Variants in ZBTB25 observed in about 807,000 individuals in gnomAD.
The protein encoded by ZBTB25 is zinc finger and BTB domain-containing protein 25.
In ZBTB25, 20 loss-of-function variants were observed where a neutral mutation model predicts 34.2. The ratio of observed to expected loss-of-function variants is 0.58; its 90% CI spans 0.41 to 0.85. The LOEUF (loss-of-function observed/expected upper bound fraction) is 0.85, where lower values mean the gene tolerates loss of function less well. Among genes scored for constraint, ZBTB25 ranks in the 40% least tolerant of loss-of-function variants. ZBTB25 has a pLI of 0.00. For synonymous variants in ZBTB25, 175 were observed against 186.4 expected, an observed-to-expected ratio of 0.94 and a Z score of 0.50; for missense variants, 437 against 521.8, an observed-to-expected ratio of 0.84 and a Z score of 1.58.
At chr14:64,494,530 G>A (rs2079200497) in intron 1 of ZBTB25, among the ~76,000 whole-genome samples, 1 of 152,206 alleles carries the variant, frequency 6.6e-6, no homozygotes, top group South Asian at 2.1e-4. Flanking sequence ...CTACTTGGGA[G>A]GTTGAGGCAG....
Position 64,486,524 on chromosome 14 carries a change from A to G in ZBTB25, c.*399T>C. On this transcript the variant is annotated 3_prime_UTR_variant, in exon 3 of 3. Coordinates refer to ENST00000608382, the MANE Select transcript of ZBTB25 (RefSeq NM_006977.5). ...TTTAAAAATAATCCTGGTAGGAGTG[A>G]ATTCATGTGAAATGTAGGCAGAAGT... The G allele has an allele frequency of 3.1e-6, 3 of 959,994 alleles. No individual in the cohort carries two copies. Among genetic ancestry groups the G allele is most frequent in the Non-Finnish European group, 3.7e-6 (3 of 805,508 alleles). The allele number at this position is 959,994 out of a possible 1,614,324, so 59.5% of individuals were successfully genotyped here. A position where few individuals can be genotyped will look rare whatever the true frequency, so the allele number is the denominator to read the frequency against.
intron 1 of ZBTB25, among the ~76,000 whole-genome samples, chr14:64,497,842 G>A (rs113460487): frequency 1.2e-4 from 18 of 152,294 alleles, no homozygotes; most frequent in African/African-American, 3.8e-4. Context: ...CTCTCAGGCT[G>A]TAAGAATCCT....
intron 1 of ZBTB25, among the ~76,000 whole-genome samples, chr14:64,495,601 C>T (rs2079243214): frequency 6.6e-6 from 1 of 151,966 alleles, no homozygotes; most frequent in South Asian, 2.1e-4. Context: ...TGCTGTTCTC[C>T]TCTTCCAGTT....
intron 1 of ZBTB25, among the ~76,000 whole-genome samples, chr14:64,494,224 G>A (rs1446595541): frequency 6.6e-6 from 1 of 152,206 alleles, no homozygotes; most frequent in African/African-American, 2.4e-5. Flanking sequence ...AGAAACATGG[G>A]GGTGAGGCCC....
intron 1 of ZBTB25, among the ~76,000 whole-genome samples, chr14:64,498,116 T>A (rs900165219): frequency 1.3e-5 from 2 of 152,210 alleles, no homozygotes; most frequent in Admixed American, 1.3e-4. Context: ...AACTTTCACA[T>A]GACTGTAGAG....
At chr14:64,456,442 A>G (rs1044551074) in intron 2 of ZBTB25, among the ~76,000 whole-genome samples, 2 of 152,190 alleles carry the variant, frequency 1.3e-5, no homozygotes, top group African/African-American at 4.8e-5. Context: ...GCGTACACAT[A>G]ATATTGTCTT....
At chr14:64,469,440 A>G in intron 2 of ZBTB25, 1 of 1,613,008 alleles carries the variant, frequency 6.2e-7, no homozygotes. Context: ...GAAATCAGTG[A>G]ATTTGATGTT....
chr14:64,504,596 C>T, upstream of ZBTB25: 1 of 257,452 alleles, frequency 3.9e-6, no homozygotes. Context: ...TTGCAACAAA[C>T]AGGCGACCGC....
chr14:64,469,006 T>G, intron 2 of ZBTB25: 1 of 1,614,222 alleles, frequency 6.2e-7, no homozygotes, highest in African/African-American at 1.3e-5. Context: ...ATAGCACAAC[T>G]TCTGGAGAGA....
Position 64,488,049 on chromosome 14 carries a change from A to C in ZBTB25, c.182T>G (p.Ile61Arg), listed in dbSNP as rs367886765. 6.2e-6 allele frequency: 10 copies of C among 1,610,678 alleles called. No homozygotes were observed. The African/African-American group carries it at 1.2e-4, about 19-fold the overall frequency. ...MIFIHQTSEC[I>R]KIQPTDIQPD... The stretch of plus-strand genomic sequence containing the variant: ...TTGGATGTCAGTTGGTTGTATTTTT[A>C]TGCATTCACTGTTAAAAACAAAAAC... Residue 61 changes from isoleucine to arginine, a missense_variant, in exon 3 of 3, where the codon ATA becomes AGA. Ile to Arg is a moderately conservative substitution (Grantham distance 97). Coordinates refer to ENST00000608382, the MANE Select transcript of ZBTB25 (RefSeq NM_006977.5).
At chr14:64,490,869 T>C (rs2079052664) in intron 1 of ZBTB25, among the ~76,000 whole-genome samples, 2 of 152,220 alleles carry the variant, frequency 1.3e-5, no homozygotes, top group Admixed American at 6.5e-5. Context: ...TCTAATCTTG[T>C]TTCCTCATTA....
At chr14:64,499,881 G>A (rs1055533340) in intron 1 of ZBTB25, among the ~76,000 whole-genome samples, 1 of 152,232 alleles carries the variant, frequency 6.6e-6, no homozygotes, top group Non-Finnish European at 1.5e-5. Flanking sequence ...AGGAAGAGTA[G>A]TTATGCTCTA....
intron 2 of ZBTB25, chr14:64,458,321 G>A: frequency 6.3e-7 from 1 of 1,581,992 alleles, no homozygotes; most frequent in Non-Finnish European, 8.7e-7. Flanking sequence ...AGTTGTTACT[G>A]GGTAATAATT....
chr14:64,493,464 G>A (rs1448632012), intron 1 of ZBTB25, among the ~76,000 whole-genome samples: 1 of 152,054 alleles, frequency 6.6e-6, no homozygotes, highest in Non-Finnish European at 1.5e-5. Context: ...ATAAATACTA[G>A]GCATTATCAT....
Position 64,490,443 on chromosome 14 carries a change from C to T in ZBTB25, c.91G>A (p.Gly31Arg). Reference protein sequence around the residue: ...GFLCDCTVAIGDVYFKAHRAV... With the variant: ...GFLCDCTVAIRDVYFKAHRAV... Reference sequence around the variant, plus strand: ...CTGTGGGCTTTGAAGTAAACATCTCCAATTGCAACTGTGCAATCACACAGA... The same window carrying T: ...CTGTGGGCTTTGAAGTAAACATCTCTAATTGCAACTGTGCAATCACACAGA... The change falls in exon 2 of 3, where the codon GGA (glycine) becomes AGA (arginine). Residue 31 changes from glycine to arginine, a missense_variant. Coordinates refer to ENST00000608382, the MANE Select transcript of ZBTB25 (RefSeq NM_006977.5). 1 of 1,613,794 alleles carries T rather than the reference C, an allele frequency of 6.2e-7. No individual in the cohort carries two copies. The highest frequency in any genetic ancestry group is 8.5e-7 in the Non-Finnish European group (1 of 1,179,870).
At position 64,458,622 on chromosome 14, in the gene ZBTB25, C is replaced by T. The variant is rs2078512635; in HGVS notation, c.174-8984G>A. 1.2e-5 allele frequency: 5 copies of T among 408,746 alleles called. No individual in the cohort carries two copies. The East Asian group carries it at 2.8e-4, about 23-fold the overall frequency. 25.3% of individuals were successfully genotyped at this position (408,746 alleles called of 1,614,324 possible). ...GGTTAGACTCCCTCTGCTGAAGCCC[C>T]AGGAGGCTTGGGGTTCAGAGTTGAT... On this transcript the variant is annotated intron_variant, in intron 2 of 2. Coordinates refer to the ZBTB25 transcript ENST00000555220.
intron 1 of ZBTB25, among the ~76,000 whole-genome samples, chr14:64,491,013 G>C (rs2079057304): frequency 6.6e-6 from 1 of 152,226 alleles, no homozygotes; most frequent in African/African-American, 2.4e-5. Flanking sequence ...GGCTGAGCTA[G>C]AGATGTCACT....
At chr14:64,495,623 T>C (rs1334309386) in intron 1 of ZBTB25, among the ~76,000 whole-genome samples, 1 of 152,216 alleles carries the variant, frequency 6.6e-6, no homozygotes, top group Non-Finnish European at 1.5e-5. Context: ...CAGACCTCAA[T>C]CTAGTTTTTG....
In ZBTB25 at chr14:64,459,792, G is replaced by C. The variant is rs956511878; in HGVS notation, c.174-10154C>G. On this transcript the variant is annotated intron_variant, in intron 2 of 2. Transcript: ENST00000555220. ...CCATCTTCAAGAAGCTACTTTGAAA[G>C]TCTGGCCAGTGTCTATTCAGGCCCA... 34 of 1,535,634 alleles carry C rather than the reference G, an allele frequency of 2.2e-5. No individual in the cohort carries two copies. The African/African-American group carries it at 4.5e-4, about 20-fold the overall frequency.
Sources: allele counts gnomAD v4.1 joint callset (sites outside exome capture counted in the v4.1 genomes callset), GRCh38; gene constraint gnomAD v4.1.1; transcripts MANE v1.5; gene names NCBI Gene and HGNC (gene_info 2026-07-23, HGNC 2026-07-21).